PALD1: variants seen among roughly 807,000 people sequenced by gnomAD.
PALD1 encodes the protein phosphatase domain containing paladin 1.
In PALD1, 57 loss-of-function variants were observed where a neutral mutation model predicts 96.0. That is an observed-to-expected ratio of 0.59 (90% CI 0.48 to 0.74). The LOEUF (loss-of-function observed/expected upper bound fraction) is 0.74. Among genes scored for constraint, PALD1 ranks in the 30% least tolerant of loss-of-function variants. The pLI, the probability that PALD1 is intolerant of heterozygous loss-of-function variation, is 0.00. For synonymous variants in PALD1, 464 were observed against 473.6 expected (o/e 0.98, Z 0.26); for missense variants, 1,063 against 1,143.7 (o/e 0.93, Z 1.02).
chr10:70,564,431 G>A lies in PALD1; in HGVS notation c.2330G>A (p.Arg777His). 7 of 1,614,084 alleles carry A rather than the reference G, an allele frequency of 4.3e-6. No individual in the cohort carries two copies. Among genetic ancestry groups the A allele is most frequent in the East Asian group, 4.5e-5 (2 of 44,886 alleles). ...CTGCGGAGCCTGCAGTACTTGGAGCGCTATGTCTGCCTGATTCTCTTCAAC... is the reference window on the plus strand; with the variant it reads ...CTGCGGAGCCTGCAGTACTTGGAGCACTATGTCTGCCTGATTCTCTTCAAC... ...LQLRSLQYLE[R>H]YVCLILFNAY... The change falls in exon 19 of 20, where the codon CGC becomes CAC. Residue 777 changes from arginine to histidine, a missense_variant. Transcript: ENST00000263563.
At chr10:70,517,035 A>G (rs7916573) in intron 1 of PALD1, among the ~76,000 whole-genome samples, 7,789 of 152,160 alleles carry the variant, frequency 0.051, 512 homozygotes, top group African/African-American at 0.15. Flanking sequence ...GTGTCCCCCA[A>G]ACACCTAGAA....
intron 5 of PALD1, among the ~76,000 whole-genome samples, chr10:70,531,776 GT>G (rs2132370232): frequency 6.6e-6 from 1 of 152,192 alleles, no homozygotes; most frequent in African/African-American, 2.4e-5. Flanking sequence ...GTGGGCAGGA[GT>G]TCAAGACCAG....
At position 70,539,238 on chromosome 10, in the gene PALD1, C is replaced by G; in HGVS notation, c.1716C>G (p.Asp572Glu). ...LRWPGPPVAP[D>E]QLETLEAQLK... ...GGCCTGGGCCCCCTGTGGCTCCTGA[C>G]CAGCTGGAGGTGAGGCCCCCTGCCC... is the stretch of plus-strand genomic sequence containing the variant. The change falls in exon 14 of 20, where the codon GAC (aspartate) becomes GAG (glutamate). Residue 572 changes from aspartate (D) to glutamate (E), a missense_variant. By Grantham distance (45) the Asp-to-Glu change is conservative. Transcript: ENST00000263563. The surrounding 1 kb of genome is among the most constrained non-coding windows in gnomAD (Gnocchi z 4.5). 1 of 1,609,392 alleles carries G rather than the reference C, an allele frequency of 6.2e-7. No homozygotes were observed. Among genetic ancestry groups the G allele is most frequent in the Non-Finnish European group, 8.5e-7 (1 of 1,178,326 alleles).
At chr10:70,476,901 G>A (rs529288667), upstream of PALD1, among the ~76,000 whole-genome samples, 12 of 64 alleles carry the variant, frequency 0.19, no homozygotes, top group East Asian at 0.4. Context: ...GTATTTGTAT[G>A]TGTGTATTAT....
At chr10:70,479,436 G>C (rs1845890780) in intron 1 of PALD1, among the ~76,000 whole-genome samples, 1 of 152,174 alleles carries the variant, frequency 6.6e-6, no homozygotes, top group African/African-American at 2.4e-5. Context: ...CCGAGATGGG[G>C]TCCTGGGACT....
Position 70,547,441 on chromosome 10 carries a change from C to T in PALD1, c.2257C>T (p.Arg753Cys), listed in dbSNP as rs1051292295. The T allele has an allele frequency of 1.7e-5, 28 of 1,603,706 alleles. No individual in the cohort carries two copies. Among genetic ancestry groups the T allele is most frequent in the African/African-American group, 4.0e-5 (3 of 74,744 alleles). ...GCGGGAGATCATCATCTGCACCTAC[C>T]GCCAGGTGAGCCCCCACCCCACCCC... The part of the protein sequence containing the change: ...HLREIIICTY[R>C]QAKAAKEAQE... Residue 753 changes from arginine to cysteine, a missense_variant, in exon 18 of 20, where the codon CGC (arginine) becomes TGC (cysteine). Physicochemically the swap from Arg to Cys is radical, Grantham distance 180. Transcript: ENST00000263563.
intron 2 of PALD1, among the ~76,000 whole-genome samples, chr10:70,528,051 A>G (rs1042419603): frequency 6.6e-6 from 1 of 151,644 alleles, no homozygotes; most frequent in African/African-American, 2.4e-5. Context: ...TGTCCTTGCG[A>G]TGGTTTGCTG....
chr10:70,494,093 C>T (rs192939755), intron 1 of PALD1, among the ~76,000 whole-genome samples: 12 of 152,290 alleles, frequency 7.9e-5, no homozygotes, highest in African/African-American at 2.2e-4. Flanking sequence ...ACCCTAGGAA[C>T]GCCCCTCCCC....
chr10:70,532,515 G>C, intron 5 of PALD1, 106 bp from the exon 6 acceptor site: 1 of 1,121,052 alleles, frequency 8.9e-7, no homozygotes, highest in Non-Finnish European at 1.3e-6. Context: ...GCAGAAGCCT[G>C]CCTGTGGCCT....
chr10:70,498,969 TGA>T (rs1232760631), intron 1 of PALD1, among the ~76,000 whole-genome samples: 1 of 151,024 alleles, frequency 6.6e-6, no homozygotes, highest in African/African-American at 2.4e-5. Flanking sequence ...TGGGATTGAG[TGA>T]GGGGGTCAGC....
rs548312312 is a variant in PALD1, at chr10:70,490,980, A to G, written c.-30+11921A>G. On this transcript the variant is annotated intron_variant, in intron 1 of 19. Coordinates refer to ENST00000263563, the MANE Select transcript of PALD1 (RefSeq NM_014431.3). Reference sequence around the variant, plus strand: ...CCACTTCTTTTTTTTTTGGAGACAGAGTCTCGCTCTGTCGCCCAGGCATGG... The same window carrying G: ...CCACTTCTTTTTTTTTTGGAGACAGGGTCTCGCTCTGTCGCCCAGGCATGG... Among the ~76,000 whole-genome samples the G allele has an allele frequency of 2.0e-5, 3 of 151,838 alleles. No individual in the cohort carries two copies. The South Asian group carries it at 6.3e-4, about 32-fold the overall frequency.
chr10:70,539,850 C>T lies in PALD1; in HGVS notation c.1908+88C>T, dbSNP rs535122220. On this transcript the variant is annotated intron_variant, in intron 15 of 19. Transcript: ENST00000263563. This position sits in a 1 kb window ranked among gnomAD's most constrained non-coding sequence, Gnocchi z 4.5. ...TGGTCTGGGCTCTGGGAGAATGAAA[C>T]GACCCCAGCTTCTCTACGGGGCCCG... is the stretch of plus-strand genomic sequence containing the variant. 1.0e-4 allele frequency: 120 copies of T among 1,192,566 alleles called. No homozygotes were observed. The highest frequency in any genetic ancestry group is 6.7e-4 in the Middle Eastern group (3 of 4,510). The allele number at this position is 1,192,566 out of a possible 1,614,324, so 73.9% of individuals were successfully genotyped here.
At chr10:70,494,370 G>A (rs1846152784) in intron 1 of PALD1, among the ~76,000 whole-genome samples, 1 of 152,234 alleles carries the variant, frequency 6.6e-6, no homozygotes, top group Non-Finnish European at 1.5e-5. Flanking sequence ...TCACACATAG[G>A]TGGTGTCCCA....
intron 7 of PALD1, 102 bp from the exon 8 acceptor site, chr10:70,533,819 AC>A: frequency 9.0e-7 from 1 of 1,109,474 alleles, no homozygotes; most frequent in South Asian, 1.8e-5. Context: ...TTTGCTGCAG[AC>A]TGTGGGGCAG....
At chr10:70,511,491 C>T (rs557847853) in intron 1 of PALD1, among the ~76,000 whole-genome samples, 1 of 152,180 alleles carries the variant, frequency 6.6e-6, no homozygotes, top group Non-Finnish European at 1.5e-5. Flanking sequence ...CTTATACTGA[C>T]GCTTATGTCC....
intron 18 of PALD1, among the ~76,000 whole-genome samples, chr10:70,562,026 G>A (rs1392114104): frequency 6.6e-6 from 1 of 152,238 alleles, no homozygotes; most frequent in Non-Finnish European, 1.5e-5. Flanking sequence ...CGGTGTAGTG[G>A]TCCCTCCCTG....
Position 70,539,453 on chromosome 10 carries a change from A to G in PALD1, c.1726-127A>G. The G allele has an allele frequency of 4.7e-6, 5 of 1,063,280 alleles. No individual in the cohort carries two copies. In the Admixed American group the frequency reaches 8.6e-5, roughly 18 times the overall value. The allele number at this position is 1,063,280 out of a possible 1,614,324, so 65.9% of individuals were successfully genotyped here. A position where few individuals can be genotyped will look rare whatever the true frequency, so the allele number is the denominator to read the frequency against. Reference sequence around the variant, plus strand: ...CTTTGGGGGGTGGCTGTGACCCCTGAGGCTTGGGGGGGTCAGGGATGGGAC... The same window carrying G: ...CTTTGGGGGGTGGCTGTGACCCCTGGGGCTTGGGGGGGTCAGGGATGGGAC... On this transcript the variant is annotated intron_variant, in intron 14 of 19. Transcript: ENST00000263563. This position sits in a 1 kb window ranked among gnomAD's most constrained non-coding sequence, Gnocchi z 4.5.
the PALD1 span, among the ~76,000 whole-genome samples, chr10:70,470,579 T>A: frequency 1.4e-5 from 2 of 147,816 alleles, no homozygotes; most frequent in African/African-American, 2.5e-5. Context: ...TAATATTATT[T>A]TTTATTATAT....
At chr10:70,460,607 G>T in the PALD1 span, among the ~76,000 whole-genome samples, 1 of 152,066 alleles carries the variant, frequency 6.6e-6, no homozygotes, top group East Asian at 1.9e-4. Context: ...GTCACCACCT[G>T]GTCCCAGCCA....
Sources: gnomAD v4.1 joint callset for allele counts (sites outside exome capture counted in the v4.1 genomes callset) on GRCh38, gnomAD v4.1.1 for gene constraint, Gnocchi (gnomAD v3.1) non-coding constraint, MANE v1.5 for transcripts, NCBI Gene and HGNC (gene_info 2026-07-23, HGNC 2026-07-21) for gene names.